The following STEAP1 variants were observed in gnomAD, a reference collection of about 807,000 sequenced individuals.
The protein encoded by STEAP1 is STEAP1 protein.
Under a neutral mutation model 34.4 loss-of-function variants are expected in STEAP1, and 30 were observed. The ratio of observed to expected loss-of-function variants is 0.87; its 90% confidence interval spans 0.65 to 1.18. The LOEUF is 1.18. Among genes scored for constraint, STEAP1 ranks in the 50% most tolerant of loss-of-function variants. The pLI is 0.00. For synonymous variants in STEAP1, 116 were observed against 135.3 expected (o/e 0.86, Z 0.99); for missense variants, 318 against 391.1 (o/e 0.81, Z 1.58).
intron 1 of STEAP1, among the ~76,000 whole-genome samples, chr7:90,156,034 T>G (rs1333969282): frequency 6.6e-6 from 1 of 152,122 alleles, no homozygotes. Flanking sequence ...GACCTCAAGG[T>G]TTTTCAGAGC....
At chr7:90,161,551 T>C (rs1250073748) in intron 3 of STEAP1, among the ~76,000 whole-genome samples, 2 of 152,282 alleles carry the variant, frequency 1.3e-5, no homozygotes, top group East Asian at 3.9e-4. Flanking sequence ...ATAAGAAACA[T>C]TTTGTTCATG....
At chr7:90,159,658 C>T in intron 1 of STEAP1, 100 bp from the exon 2 acceptor site, 1 of 503,592 alleles carries the variant, frequency 2.0e-6, no homozygotes, top group Non-Finnish European at 3.2e-6. Context: ...ATTTTATCTG[C>T]CATTCTAGTC....
intron 4 of STEAP1, among the ~76,000 whole-genome samples, chr7:90,163,610 G>A (rs181125241): frequency 6.6e-6 from 1 of 152,280 alleles, no homozygotes; most frequent in Non-Finnish European, 1.5e-5. Flanking sequence ...TATTCACTGG[G>A]ACTTAAGAAT....
Position 90,154,773 on chromosome 7 carries a change from TG to T in STEAP1, c.-32+234del, listed in dbSNP as rs1173961627. Among the ~76,000 whole-genome samples, 17 of 151,948 alleles carry T rather than the reference TG, an allele frequency of 1.1e-4. 1 individual carries two copies. In the South Asian group the frequency reaches 3.5e-3, roughly 32 times the overall value. ...GCTGGGTTGTGGCCGGGCCGGGGGT[TG>T]GGGAGAGCCAGGGACTCACAGGAAG... On this transcript the variant is annotated intron_variant, in intron 1 of 4. Coordinates refer to ENST00000297205, the MANE Select transcript of STEAP1 (RefSeq NM_012449.3).
intron 4 of STEAP1, among the ~76,000 whole-genome samples, chr7:90,162,734 T>C (rs1031096451): frequency 6.6e-6 from 1 of 152,186 alleles, no homozygotes; most frequent in Non-Finnish European, 1.5e-5. Context: ...AAAAATATTC[T>C]TTTACCTGTC....
chr7:90,164,165 CA>C (rs1794219825), intron 4 of STEAP1, among the ~76,000 whole-genome samples: 1 of 151,908 alleles, frequency 6.6e-6, no homozygotes, highest in Non-Finnish European at 1.5e-5. Context: ...AGACAAAGCA[CA>C]AAAAATAAAT....
chr7:90,156,018 C>G (rs1401982797), intron 1 of STEAP1, among the ~76,000 whole-genome samples: 1 of 152,200 alleles, frequency 6.6e-6, no homozygotes, highest in Non-Finnish European at 1.5e-5. Context: ...CCTGCCTTCT[C>G]TCCTAGACCT....
At chr7:90,155,439 C>T (rs1011605900) in intron 1 of STEAP1, among the ~76,000 whole-genome samples, 5 of 152,198 alleles carry the variant, frequency 3.3e-5, no homozygotes, top group African/African-American at 1.2e-4. Context: ...CATTTAGGAA[C>T]ACCAGGGCAG....
intron 4 of STEAP1, chr7:90,162,292 A>T: frequency 4.2e-6 from 3 of 709,522 alleles, no homozygotes; most frequent in Non-Finnish European, 5.9e-6. Context: ...GCATTAAAAT[A>T]TTCTTTGTTT....
chr7:90,162,984 A>G (rs1318831365), intron 4 of STEAP1: 1 of 402,848 alleles, frequency 2.5e-6, no homozygotes, highest in African/African-American at 2.0e-5. Flanking sequence ...ATTATCCATA[A>G]GAAGAGTGAT....
At chr7:90,159,097 A>G (rs1411311621) in intron 1 of STEAP1, among the ~76,000 whole-genome samples, 2 of 152,222 alleles carry the variant, frequency 1.3e-5, no homozygotes, top group Non-Finnish European at 2.9e-5. Context: ...CTGGATGAGG[A>G]TCTGTGAGTT....
chr7:90,164,573 A>G lies in STEAP1; in HGVS notation c.859A>G (p.Thr287Ala). Residue 287 changes from threonine (T) to alanine (A), a missense_variant, in exon 5 of 5, where the codon ACA (threonine) becomes GCA (alanine). Coordinates refer to ENST00000297205, the MANE Select transcript of STEAP1 (RefSeq NM_012449.3). The part of the protein sequence containing the change: ...WIDIKQFVWY[T>A]PPTFMIAVFL... The stretch of plus-strand genomic sequence containing the variant: ...AGATATAAAACAATTTGTATGGTAT[A>G]CACCTCCAACTTTTATGATAGCTGT... 6.2e-7 allele frequency: 1 copy of G among 1,613,780 alleles called. No individual in the cohort carries two copies. The highest frequency in any genetic ancestry group is 8.5e-7 in the Non-Finnish European group (1 of 1,179,816).
intron 1 of STEAP1, among the ~76,000 whole-genome samples, chr7:90,155,086 C>G (rs1724121104): frequency 1.3e-5 from 2 of 152,128 alleles, no homozygotes; most frequent in Admixed American, 1.3e-4. Flanking sequence ...TAATTCTGGT[C>G]AAATCCACTG....
intron 4 of STEAP1, chr7:90,162,324 T>TTTG (rs2115968483): frequency 2.4e-6 from 1 of 408,566 alleles, no homozygotes; most frequent in Non-Finnish European, 3.7e-6. Context: ...TTGTTTGTTT[T>TTTG]TTGTTTGTTT....
chr7:90,161,889 T>G, intron 3 of STEAP1, 25 bp from the exon 4 acceptor site: 3 of 1,579,960 alleles, frequency 1.9e-6, no homozygotes, highest in Non-Finnish European at 2.6e-6. Flanking sequence ...TTGCATTTCT[T>G]CTTTCTTTAT....
At chr7:90,163,321 C>A (rs1794210613) in intron 4 of STEAP1, among the ~76,000 whole-genome samples, 2 of 152,184 alleles carry the variant, frequency 1.3e-5, no homozygotes, top group Non-Finnish European at 2.9e-5. Context: ...GCTTTCTTCA[C>A]ACATTGCTCT....
chr7:90,163,481 A>G (rs936596899), intron 4 of STEAP1, among the ~76,000 whole-genome samples: 5 of 152,378 alleles, frequency 3.3e-5, no homozygotes, highest in Middle Eastern at 3.4e-3. Context: ...TTTTCAACCA[A>G]TGACATGTAT....
In STEAP1 at chr7:90,164,800, A is replaced by G. The variant is rs1317177662; in HGVS notation, c.*66A>G. ...TTTATCACCAACATTTCAAGTTTGT[A>G]TTTGTTAATAAAATGATTATTCAAG... On this transcript the variant is annotated 3_prime_UTR_variant, in exon 5 of 5. Coordinates refer to ENST00000297205, the MANE Select transcript of STEAP1 (RefSeq NM_012449.3). 1.4e-6 allele frequency: 2 copies of G among 1,410,314 alleles called. No individual in the cohort carries two copies. The highest frequency in any genetic ancestry group is 1.9e-6 in the Non-Finnish European group (2 of 1,058,838). The allele number at this position is 1,410,314 out of a possible 1,614,324, so 87.4% of individuals were successfully genotyped here.
In STEAP1 at chr7:90,159,777, T is replaced by C. The variant is rs1370703694; in HGVS notation, c.-12T>C. On this transcript the variant is annotated 5_prime_UTR_variant, in exon 2 of 5. Coordinates refer to ENST00000297205, the MANE Select transcript of STEAP1 (RefSeq NM_012449.3). ...TTACAGGTGGCTGAAGCCATACTAT[T>C]TTATAGAATTAATGGAAAGCAGAAA... 6.6e-7 allele frequency: 1 copy of C among 1,516,460 alleles called. No homozygotes were observed. The highest frequency in any genetic ancestry group is 1.4e-5 in the African/African-American group (1 of 71,336). 93.9% of individuals were successfully genotyped at this position (1,516,460 alleles called of 1,614,324 possible).
Sources: allele counts gnomAD v4.1 joint callset (sites outside exome capture counted in the v4.1 genomes callset), GRCh38; gene constraint gnomAD v4.1.1; transcripts MANE v1.5; gene names NCBI Gene and HGNC (gene_info 2026-07-23, HGNC 2026-07-21).